The following ZNF804A variants were observed in gnomAD, a reference collection of about 807,000 sequenced individuals.
ZNF804A encodes the protein zinc finger protein 804A.
In ZNF804A, 2 loss-of-function variants were observed where a neutral mutation model predicts 16.5. The observed-to-expected ratio is 0.12, with a 90% CI of 0.05 to 0.38. The LOEUF is 0.38. ZNF804A is among the 10% of genes least tolerant of loss of function. The pLI, the probability that ZNF804A is intolerant of heterozygous loss-of-function variation, is 0.99. For synonymous variants in ZNF804A, 534 were observed against 489.6 expected (o/e 1.09, Z -1.20); for missense variants, 1,473 against 1,390.7 (o/e 1.06, Z -0.94).
chr2:184,677,484 A>T (rs913815475), intron 1 of ZNF804A, among the ~76,000 whole-genome samples: 7 of 152,016 alleles, frequency 4.6e-5, no homozygotes, highest in Admixed American at 4.6e-4. Flanking sequence ...CTTGAAAATT[A>T]TCTACAATGT....
chr2:184,815,760 C>T lies in ZNF804A; in HGVS notation c.112-50609C>T, dbSNP rs1574225307. 2.0e-5 allele frequency among the ~76,000 whole-genome samples: 3 copies of T among 151,728 alleles called. No homozygotes were observed. The South Asian group carries it at 6.2e-4, about 32-fold the overall frequency. The stretch of plus-strand genomic sequence containing the variant: ...TGAATATACTAACCTTAAAAATAAT[C>T]GCAACATGTAATATAGATAGTTAAC... On this transcript the variant is annotated intron_variant, in intron 1 of 3. Transcript: ENST00000302277.
At chr2:184,897,415 T>TTC (rs397697680) in intron 2 of ZNF804A, among the ~76,000 whole-genome samples, 1 of 149,842 alleles carries the variant, frequency 6.7e-6, no homozygotes, top group Non-Finnish European at 1.5e-5. Context: ...TTTGGATTTT[T>TTC]CCCCCCCTTT....
At chr2:184,895,598 T>C (rs1422177314) in intron 2 of ZNF804A, among the ~76,000 whole-genome samples, 2 of 152,230 alleles carry the variant, frequency 1.3e-5, no homozygotes, top group Non-Finnish European at 2.9e-5. Flanking sequence ...AAAACTCAGT[T>C]ATAATTCTGT....
chr2:184,866,270 T>C, intron 1 of ZNF804A, 99 bp from the exon 2 acceptor site: 1 of 1,098,862 alleles, frequency 9.1e-7, no homozygotes, highest in South Asian at 1.6e-5. Context: ...CTGTATTCTG[T>C]TTCTAACTCT....
chr2:184,727,849 C>T (rs1449772153), intron 1 of ZNF804A, among the ~76,000 whole-genome samples: 1 of 151,680 alleles, frequency 6.6e-6, no homozygotes, highest in African/African-American at 2.4e-5. Flanking sequence ...TCTTAGATAG[C>T]TTGTTCTCAG....
chr2:184,730,614 T>C (rs1260834724), intron 1 of ZNF804A, among the ~76,000 whole-genome samples: 9 of 152,220 alleles, frequency 5.9e-5, no homozygotes, highest in Non-Finnish European at 1.3e-4. Context: ...GTCATATAGT[T>C]TGAAGCACAG....
chr2:184,916,885 A>G (rs1044035044), intron 2 of ZNF804A, among the ~76,000 whole-genome samples: 1 of 151,898 alleles, frequency 6.6e-6, no homozygotes, highest in South Asian at 2.1e-4. Context: ...AAAAACAGAA[A>G]AAGAAAAAAA....
At chr2:184,755,756 T>A (rs931417641) in intron 1 of ZNF804A, among the ~76,000 whole-genome samples, 2 of 152,040 alleles carry the variant, frequency 1.3e-5, no homozygotes, top group African/African-American at 4.8e-5. Flanking sequence ...TTGTAAAAGA[T>A]GTGTGCTGCC....
At chr2:184,706,288 A>G (rs778323403) in intron 1 of ZNF804A, among the ~76,000 whole-genome samples, 1 of 152,120 alleles carries the variant, frequency 6.6e-6, no homozygotes, top group East Asian at 1.9e-4. Flanking sequence ...GCAGCTGTCC[A>G]CTTTAAGGTG....
At chr2:184,722,956 C>T (rs1474128470) in intron 1 of ZNF804A, among the ~76,000 whole-genome samples, 1 of 151,880 alleles carries the variant, frequency 6.6e-6, no homozygotes. Flanking sequence ...TGTTACTTTG[C>T]CTAGGCTATT....
intron 2 of ZNF804A, among the ~76,000 whole-genome samples, chr2:184,878,772 T>C (rs1264961215): frequency 6.6e-6 from 1 of 152,106 alleles, no homozygotes; most frequent in East Asian, 1.9e-4. Context: ...TCACCCAATA[T>C]GGTTACATAT....
chr2:184,704,318 A>G (rs1198550602), intron 1 of ZNF804A, among the ~76,000 whole-genome samples: 1 of 151,800 alleles, frequency 6.6e-6, no homozygotes. Flanking sequence ...ATGCCTGACT[A>G]ATTTTGTAGT....
chr2:184,722,971 T>C (rs1335494721), intron 1 of ZNF804A, among the ~76,000 whole-genome samples: 1 of 151,946 alleles, frequency 6.6e-6, no homozygotes, highest in African/African-American at 2.4e-5. Flanking sequence ...GCTATTAAGG[T>C]AATCATCCAA....
chr2:184,804,764 A>G (rs1231693772), intron 1 of ZNF804A, among the ~76,000 whole-genome samples: 1 of 152,202 alleles, frequency 6.6e-6, no homozygotes, highest in African/African-American at 2.4e-5. Context: ...CAGAAAATCT[A>G]TGGGGAAAGA....
At chr2:184,756,648 G>A (rs1410516300) in intron 1 of ZNF804A, among the ~76,000 whole-genome samples, 1 of 151,920 alleles carries the variant, frequency 6.6e-6, no homozygotes, top group Non-Finnish European at 1.5e-5. Context: ...ATTATTTCAT[G>A]TGTCCATTTT....
chr2:184,756,946 C>T (rs1693968480), intron 1 of ZNF804A, among the ~76,000 whole-genome samples: 1 of 151,970 alleles, frequency 6.6e-6, no homozygotes, highest in Non-Finnish European at 1.5e-5. Context: ...AAACTTAGCT[C>T]AGTCTTCCAT....
At chr2:184,724,915 A>G (rs1266731810) in intron 1 of ZNF804A, among the ~76,000 whole-genome samples, 1 of 151,798 alleles carries the variant, frequency 6.6e-6, no homozygotes, top group Non-Finnish European at 1.5e-5. Flanking sequence ...ATTTTAAGGC[A>G]GTAGGCTGAT....
At chr2:184,900,474 A>T (rs1030445755) in intron 2 of ZNF804A, among the ~76,000 whole-genome samples, 6 of 152,164 alleles carry the variant, frequency 3.9e-5, no homozygotes, top group African/African-American at 1.4e-4. Context: ...CATACCTGTT[A>T]TACAATTTGG....
chr2:184,904,118 A>C (rs1685232015), intron 2 of ZNF804A, among the ~76,000 whole-genome samples: 1 of 152,072 alleles, frequency 6.6e-6, no homozygotes, highest in African/African-American at 2.4e-5. Flanking sequence ...TTCAATTTGC[A>C]ACACCATCAA....
Sources: allele counts gnomAD v4.1 joint callset (sites outside exome capture counted in the v4.1 genomes callset), GRCh38; gene constraint gnomAD v4.1.1; transcripts MANE v1.5; gene names NCBI Gene and HGNC (gene_info 2026-07-23, HGNC 2026-07-21).